DCDC1: variants seen among roughly 807,000 people sequenced by gnomAD.
DCDC1 encodes the protein doublecortin domain containing 1.
DCDC1 carries 200 observed loss-of-function variants against 178.3 expected under a neutral mutation model. The ratio of observed to expected loss-of-function variants is 1.12; its 90% CI spans 1.00 to 1.26. The LOEUF is 1.26. Ranked by LOEUF, DCDC1 falls within the 50% of genes most tolerant of loss-of-function variation. The pLI is 0.00. For missense variants in DCDC1, 1,983 were observed against 1,749.2 expected, an observed-to-expected ratio of 1.13 and a Z score of -2.38; for synonymous variants, 690 against 604.8, an observed-to-expected ratio of 1.14 and a Z score of -2.07.
chr11:30,956,195 C>T (rs978041610), intron 20 of DCDC1, among the ~76,000 whole-genome samples: 50 of 152,104 alleles, frequency 3.3e-4, no homozygotes, highest in African/African-American at 1.2e-3. Flanking sequence ...GTATATTTTA[C>T]AAAATGATAC....
intron 9 of DCDC1, among the ~76,000 whole-genome samples, chr11:31,151,366 C>A (rs912125848): frequency 1.3e-5 from 2 of 152,078 alleles, no homozygotes; most frequent in East Asian, 3.9e-4. Context: ...CTATTATGAT[C>A]TTTTATGACC....
chr11:31,312,449 T>G lies in DCDC1; in HGVS notation c.165-4541A>C, dbSNP rs541056791. 1.2e-4 allele frequency among the ~76,000 whole-genome samples: 18 copies of G among 152,300 alleles called. No homozygotes were observed. The South Asian group carries it at 3.1e-3, about 26-fold the overall frequency. ...CTAGGCAACAGGATGCCCAGATATCTGAGGAAACATTATTTCTGGGTGTGT... is the reference window on the plus strand; with the variant it reads ...CTAGGCAACAGGATGCCCAGATATCGGAGGAAACATTATTTCTGGGTGTGT... On this transcript the variant is annotated intron_variant, in intron 3 of 38. Coordinates refer to ENST00000684477, the MANE Select transcript of DCDC1 (RefSeq NM_001387274.1).
intron 2 of DCDC1, among the ~76,000 whole-genome samples, chr11:31,328,778 T>TCC (rs1949786439): frequency 7.1e-6 from 1 of 140,266 alleles, no homozygotes; most frequent in African/African-American, 2.7e-5. Context: ...GCCACTGCAC[T>TCC]CCAGGCTGGG....
At chr11:30,883,374 C>T in intron 36 of DCDC1, 1 of 296,116 alleles carries the variant, frequency 3.4e-6, no homozygotes, top group Non-Finnish European at 6.9e-6. Flanking sequence ...TTTATAATGT[C>T]AAGACATCAG....
At chr11:31,015,429 G>A (rs942046030) in intron 20 of DCDC1, among the ~76,000 whole-genome samples, 1 of 152,032 alleles carries the variant, frequency 6.6e-6, no homozygotes, top group African/African-American at 2.4e-5. Flanking sequence ...TTGCTCATCA[G>A]TGTTTCCCTT....
chr11:31,311,057 C>T (rs776137632), intron 3 of DCDC1, among the ~76,000 whole-genome samples: 6 of 152,190 alleles, frequency 3.9e-5, no homozygotes, highest in Admixed American at 2.6e-4. Flanking sequence ...CTCCCCCTTT[C>T]CTCATGGCTT....
chr11:31,016,340 C>T (rs1002126402), intron 20 of DCDC1, among the ~76,000 whole-genome samples: 1 of 152,138 alleles, frequency 6.6e-6, no homozygotes, highest in South Asian at 2.1e-4. Context: ...ATTCTCAGAC[C>T]TTAAGGCTGC....
At chr11:31,089,896 C>G (rs1210872997) in intron 17 of DCDC1, among the ~76,000 whole-genome samples, 1 of 152,134 alleles carries the variant, frequency 6.6e-6, no homozygotes, top group African/African-American at 2.4e-5. Context: ...ATTCTATCAT[C>G]TGTGTCATTT....
intron 9 of DCDC1, among the ~76,000 whole-genome samples, chr11:31,159,084 A>G (rs773035570): frequency 6.6e-6 from 1 of 152,226 alleles, no homozygotes; most frequent in Non-Finnish European, 1.5e-5. Context: ...CTATTAAGAA[A>G]ATGAAATGAG....
At chr11:30,882,250 G>A (rs945923633) in intron 36 of DCDC1, 1 of 152,192 alleles carries the variant, frequency 6.6e-6, no homozygotes, top group Non-Finnish European at 1.5e-5. Flanking sequence ...TCAGGAATAT[G>A]AGCCAAGACA....
chr11:31,066,817 T>C (rs899798309), intron 18 of DCDC1, among the ~76,000 whole-genome samples: 4 of 152,182 alleles, frequency 2.6e-5, no homozygotes, highest in Admixed American at 6.5e-5. Context: ...TTCAAACCCA[T>C]AGAATGTGCA....
rs373604653 is a variant in DCDC1, at chr11:30,934,202, G to A, written c.2716-2250C>T. Reference sequence around the variant, plus strand: ...TCAAACCCAGTAGGTATTTGGTTTCGGGCCTTAAATTTATTAGGCGACCCC... The same window carrying A: ...TCAAACCCAGTAGGTATTTGGTTTCAGGCCTTAAATTTATTAGGCGACCCC... On this transcript the variant is annotated intron_variant, in intron 21 of 38. Transcript: ENST00000684477. Among the ~76,000 whole-genome samples, 7 of 152,160 alleles carry A rather than the reference G, an allele frequency of 4.6e-5. No individual in the cohort carries two copies. In the East Asian group the frequency reaches 7.7e-4, roughly 17 times the overall value.
chr11:30,945,809 A>T (rs1268539838), intron 21 of DCDC1, among the ~76,000 whole-genome samples: 1 of 151,780 alleles, frequency 6.6e-6, no homozygotes, highest in East Asian at 2.0e-4. Context: ...TGTAATAATT[A>T]TAATTGTTTC....
intron 11 of DCDC1, among the ~76,000 whole-genome samples, chr11:31,116,523 T>C (rs2135849602): frequency 6.6e-6 from 1 of 152,156 alleles, no homozygotes; most frequent in Non-Finnish European, 1.5e-5. Context: ...TTTTATAGAC[T>C]TGAAGGATGG....
intron 22 of DCDC1, among the ~76,000 whole-genome samples, chr11:30,927,230 C>T (rs1006899936): frequency 1.3e-5 from 2 of 151,950 alleles, no homozygotes; most frequent in African/African-American, 4.8e-5. Context: ...GGAAATATAT[C>T]ATCATGTAAT....
chr11:30,972,739 C>T (rs1186578660), intron 20 of DCDC1, among the ~76,000 whole-genome samples: 3 of 152,152 alleles, frequency 2.0e-5, no homozygotes, highest in Non-Finnish European at 4.4e-5. Flanking sequence ...ATTAAACTTT[C>T]CATTTAAAAG....
At chr11:30,865,630 T>C (rs1386770982) in intron 38 of DCDC1, among the ~76,000 whole-genome samples, 1 of 152,150 alleles carries the variant, frequency 6.6e-6, no homozygotes, top group Non-Finnish European at 1.5e-5. Context: ...CTGAACTATC[T>C]GGCCAGGCAA....
chr11:31,350,713 C>T (rs1452627210), intron 1 of DCDC1, among the ~76,000 whole-genome samples: 1 of 152,094 alleles, frequency 6.6e-6, no homozygotes, highest in East Asian at 1.9e-4. Flanking sequence ...CTTGTCTTAA[C>T]AGGTAATATG....
chr11:30,950,476 T>C (rs904929380), intron 21 of DCDC1, among the ~76,000 whole-genome samples: 1 of 152,112 alleles, frequency 6.6e-6, no homozygotes, highest in Admixed American at 6.6e-5. Context: ...AACAGATGAA[T>C]GGACAAAGAA....
Sources: allele counts gnomAD v4.1 joint callset (sites outside exome capture counted in the v4.1 genomes callset), GRCh38; gene constraint gnomAD v4.1.1; transcripts MANE v1.5; gene names NCBI Gene and HGNC (gene_info 2026-07-23, HGNC 2026-07-21).